SELP: variants seen among roughly 807,000 people sequenced by gnomAD.
SELP encodes P-selectin.
In SELP, 92 loss-of-function variants were observed where a neutral mutation model predicts 104.1. That is an observed-to-expected ratio of 0.88 (90% CI 0.75 to 1.05). The LOEUF is 1.05. Ranked by LOEUF, SELP falls within the 50% of genes least tolerant of loss-of-function variation. The pLI, the probability that SELP is intolerant of heterozygous loss-of-function variation, is 0.00. For synonymous variants in SELP, 397 were observed against 364.5 expected (o/e 1.09, Z -1.01); for missense variants, 1,022 against 1,017.3 (o/e 1.00, Z -0.06).
At chr1:169,593,117 T>A (rs1384474150) in intron 14 of SELP, among the ~76,000 whole-genome samples, 2 of 152,202 alleles carry the variant, frequency 1.3e-5, no homozygotes, top group African/African-American at 4.8e-5. Context: ...GGCACTGATT[T>A]CACCTGTCTC....
chr1:169,613,632 G>A lies in SELP; in HGVS notation c.543C>T (p.Tyr181=), dbSNP rs1662660969. 3 of 1,613,924 alleles carry A rather than the reference G, an allele frequency of 1.9e-6. No homozygotes were observed. Among genetic ancestry groups the A allele is most frequent in the Non-Finnish European group, 8.5e-7 (1 of 1,179,908 alleles). ...AGAATCCAGGGTAACAGGAGCAGGT[G>A]TAGTTCCCGATGGTCTCGAGGCACT... ...QGECLETIGN[Y]TCSCYPGFYG... is the part of the protein sequence containing the mutation. The change falls in exon 4 of 17, where the codon TAC becomes TAT. Residue 181 remains tyrosine (Y), a synonymous_variant. Coordinates refer to ENST00000263686, the MANE Select transcript of SELP (RefSeq NM_003005.4).
intron 2 of SELP, among the ~76,000 whole-genome samples, chr1:169,617,815 A>G (rs1371438967): frequency 6.6e-6 from 1 of 152,224 alleles, no homozygotes; most frequent in East Asian, 1.9e-4. Context: ...TTCACATGGA[A>G]AATAACATGC....
intron 8 of SELP, among the ~76,000 whole-genome samples, chr1:169,607,515 G>T (rs3917750): frequency 0.33 from 49,740 of 151,960 alleles, 10,700 homozygotes; most frequent in East Asian, 0.95. Flanking sequence ...GGAAATTAAT[G>T]ATGGTGGATC....
intron 14 of SELP, 127 bp downstream of exon 14, chr1:169,593,478 T>C (rs1225259674): frequency 1.4e-6 from 1 of 708,606 alleles, no homozygotes; most frequent in Non-Finnish European, 2.3e-6. Context: ...TATTTTCTTT[T>C]AATGCAAATG....
intron 8 of SELP, 129 bp downstream of exon 8, chr1:169,609,375 C>G (rs993421527): frequency 1.1e-6 from 1 of 903,284 alleles, no homozygotes; most frequent in African/African-American, 1.7e-5. Context: ...GTCCCAAGCA[C>G]AAAGGACATG....
In SELP at chr1:169,609,608, G is replaced by A; in HGVS notation, c.1229C>T (p.Thr410Ile). Residue 410 changes from threonine to isoleucine, a missense_variant, in exon 8 of 17, where the codon ACC (threonine) becomes ATC (isoleucine). Coordinates refer to ENST00000263686, the MANE Select transcript of SELP (RefSeq NM_003005.4). ...SPSLRAFQYD[T>I]NCSFRCAEGF... ...TTCAGCACAGCGGAAGCTACAGTTG[G>A]TGTCATACTGAAACGCTCTCAAGGA... 3 of 1,614,014 alleles carry A rather than the reference G, an allele frequency of 1.9e-6. No individual in the cohort carries two copies. Among genetic ancestry groups the A allele is most frequent in the Non-Finnish European group, 1.7e-6 (2 of 1,179,966 alleles).
At chr1:169,611,845 A>C (rs1193490744) in intron 6 of SELP, among the ~76,000 whole-genome samples, 168 bp from the exon 7 acceptor site, 1 of 152,102 alleles carries the variant, frequency 6.6e-6, no homozygotes, top group Non-Finnish European at 1.5e-5. Flanking sequence ...TCCCAGGGTG[A>C]TCTGAGTCTG....
At chr1:169,591,584 G>A in intron 14 of SELP, 128 bp from the exon 15 acceptor site, 1 of 548,340 alleles carries the variant, frequency 1.8e-6, no homozygotes, top group Non-Finnish European at 3.2e-6. Flanking sequence ...CATTATAAGG[G>A]GAATATTGGG....
At chr1:169,611,458 G>A (rs754772557) in intron 7 of SELP, 34 bp downstream of exon 7, 2 of 1,605,002 alleles carry the variant, frequency 1.2e-6, no homozygotes, top group Non-Finnish European at 1.7e-6. Flanking sequence ...ATTCCTTCTT[G>A]GACAGAATGG....
chr1:169,606,010 C>A (rs1052793403), intron 9 of SELP, among the ~76,000 whole-genome samples: 1 of 152,172 alleles, frequency 6.6e-6, no homozygotes, highest in Non-Finnish European at 1.5e-5. Flanking sequence ...ACAGAGCACA[C>A]TGGCTTGTTA....
In SELP at chr1:169,594,829, C is replaced by A. The variant is rs1458073994; in HGVS notation, c.2150G>T (p.Cys717Phe). The A allele has an allele frequency of 5.0e-6, 8 of 1,613,636 alleles. No homozygotes were observed. Among genetic ancestry groups the A allele is most frequent in the Non-Finnish European group, 6.8e-6 (8 of 1,179,766 alleles). Residue 717 changes from cysteine to phenylalanine, a missense_variant, in exon 13 of 17, where the codon TGC becomes TTC. Transcript: ENST00000263686. Reference sequence around the variant, plus strand: ...ACTGAAGTTTCCCCAGAGGTTGGAGCAGTTCATCGCTATTGGCTTATTAAC... The same window carrying A: ...ACTGAAGTTTCCCCAGAGGTTGGAGAAGTTCATCGCTATTGGCTTATTAAC... ...LHVNKPIAMN[C>F]SNLWGNFSYG...
chr1:169,616,203 T>C (rs551327454), intron 3 of SELP, among the ~76,000 whole-genome samples: 2 of 152,302 alleles, frequency 1.3e-5, no homozygotes, highest in East Asian at 3.9e-4. Context: ...TCCCCACCAC[T>C]ACCCTCCCAC....
intron 1 of SELP, among the ~76,000 whole-genome samples, chr1:169,621,984 AAAGAGAG>A (rs1663158971): frequency 6.6e-6 from 1 of 152,232 alleles, no homozygotes; most frequent in East Asian, 1.9e-4. Context: ...GTTCACAAGC[AAAGAGAG>A]TGTTAATTAA....
rs3917801 is a variant in SELP, at chr1:169,597,850, G to A, written c.1706-674C>T. Reference sequence around the variant, plus strand: ...CCCTGAGAATTTTTCCACTTTTATGGCGTAAAATCCCACTAATCCTCCAGG... The same window carrying A: ...CCCTGAGAATTTTTCCACTTTTATGACGTAAAATCCCACTAATCCTCCAGG... On this transcript the variant is annotated intron_variant, in intron 10 of 16. Transcript: ENST00000263686. Among the ~76,000 whole-genome samples, 592 of 152,200 alleles carry A rather than the reference G, an allele frequency of 3.9e-3. 8 individuals are homozygous for A. Among genetic ancestry groups the A allele is most frequent in the African/African-American group, 0.013 (559 of 41,534 alleles).
chr1:169,595,906 C>T lies in SELP; in HGVS notation c.2101+19G>A, dbSNP rs1661579695. 6.2e-7 allele frequency: 1 copy of T among 1,611,478 alleles called. No individual in the cohort carries two copies. Among genetic ancestry groups the T allele is most frequent in the East Asian group, 2.2e-5 (1 of 44,876 alleles). On this transcript the variant is annotated intron_variant, in intron 12 of 16. Coordinates refer to ENST00000263686, the MANE Select transcript of SELP (RefSeq NM_003005.4). ...TGCAGGAAGGCAGGTTCAGAACTGC[C>T]TGCTCCTTTTCACCTTACCTCTGCA...
In SELP at chr1:169,613,094, C is replaced by G. The variant is rs1248812793; in HGVS notation, c.610G>C (p.Glu204Gln). ...CEYVRECGEL[E>Q]LPQHVLMNCS... is the part of the protein sequence containing the mutation. ...TTCATGAGCACGTGTTGAGGGAGCT[C>G]AAGTTCTCCACACTCTCTCACTGCA... Residue 204 changes from glutamate (E) to glutamine (Q), a missense_variant, in exon 5 of 17, where the codon GAG becomes CAG. Physicochemically the swap from Glu to Gln is conservative, Grantham distance 29. Transcript: ENST00000263686. The G allele has an allele frequency of 6.2e-6, 10 of 1,606,782 alleles. No homozygotes were observed. The highest frequency in any genetic ancestry group is 7.7e-6 in the Non-Finnish European group (9 of 1,176,088).
chr1:169,613,533 G>T, intron 4 of SELP, 53 bp downstream of exon 4: 1 of 1,326,552 alleles, frequency 7.5e-7, no homozygotes, highest in Non-Finnish European at 1.1e-6. Flanking sequence ...TTTACTTCTT[G>T]GCATCATCTC....
chr1:169,602,990 T>C, intron 10 of SELP, 36 bp downstream of exon 10: 1 of 1,552,514 alleles, frequency 6.4e-7, no homozygotes, highest in African/African-American at 1.4e-5. Flanking sequence ...TGATGTCATC[T>C]TTAAAGCCAT....
At chr1:169,610,920 G>T (rs1173121630) in intron 7 of SELP, among the ~76,000 whole-genome samples, 1 of 152,210 alleles carries the variant, frequency 6.6e-6, no homozygotes, top group African/African-American at 2.4e-5. Context: ...CTCATAGCTA[G>T]ATAGTAGCAG....
Sources: allele counts gnomAD v4.1 joint callset (sites outside exome capture counted in the v4.1 genomes callset), GRCh38; gene constraint gnomAD v4.1.1; transcripts MANE v1.5; gene names NCBI Gene and HGNC (gene_info 2026-07-23, HGNC 2026-07-21).